The following CAMKMT variants were observed in gnomAD, a reference collection of about 807,000 sequenced individuals.
CAMKMT encodes the protein CaM KMT.
A neutral mutation model predicts 48.0 loss-of-function variants in CAMKMT; 53 were observed. The observed-to-expected ratio is 1.10, with a 90% confidence interval of 0.89 to 1.39. The LOEUF is 1.39. Among genes scored for constraint, CAMKMT ranks in the 40% most tolerant of loss-of-function variants. The pLI is 0.00. For synonymous variants in CAMKMT, 165 were observed against 152.3 expected (o/e 1.08, Z -0.61); for missense variants, 428 against 402.7 (o/e 1.06, Z -0.54).
At chr2:44,633,570 G>A (rs938427210) in intron 3 of CAMKMT, among the ~76,000 whole-genome samples, 3 of 151,764 alleles carry the variant, frequency 2.0e-5, no homozygotes, top group African/African-American at 7.3e-5. Context: ...TTTAATTTCA[G>A]GTATTATATA....
rs902010078 is a variant in CAMKMT, at chr2:44,653,505, G to C, written c.377-50778G>C. Among the ~76,000 whole-genome samples the C allele has an allele frequency of 1.3e-5, 2 of 152,158 alleles. No individual in the cohort carries two copies. The highest frequency in any genetic ancestry group is 4.8e-5 in the African/African-American group (2 of 41,430). On this transcript the variant is annotated intron_variant, in intron 3 of 10. Coordinates refer to ENST00000378494, the MANE Select transcript of CAMKMT (RefSeq NM_024766.5). This position sits in a 1 kb window ranked among gnomAD's most constrained non-coding sequence, Gnocchi z 5.2. The stretch of plus-strand genomic sequence containing the variant: ...GAAGTAACTTGTCCTTGGTCACCCA[G>C]AGCATTTGTAGCAGAGCTAGGACTA...
chr2:44,363,892 T>C (rs1030730241), intron 1 of CAMKMT, among the ~76,000 whole-genome samples: 1 of 151,924 alleles, frequency 6.6e-6, no homozygotes, highest in Admixed American at 6.6e-5. Flanking sequence ...AGTTTCGCCA[T>C]GTTGGCCAGG....
At chr2:44,721,863 G>A (rs983301524) in intron 7 of CAMKMT, among the ~76,000 whole-genome samples, 2 of 150,156 alleles carry the variant, frequency 1.3e-5, no homozygotes, top group Non-Finnish European at 3.0e-5. Context: ...GAGGGGAGGG[G>A]AGGGAAGGGG....
chr2:44,552,070 G>A (rs1014177868), intron 3 of CAMKMT, among the ~76,000 whole-genome samples: 24 of 152,040 alleles, frequency 1.6e-4, no homozygotes, highest in East Asian at 1.3e-3. Context: ...AAATCTGGGC[G>A]TTGAATGTAA....
chr2:44,560,624 A>C (rs1282034772), intron 3 of CAMKMT, among the ~76,000 whole-genome samples: 3 of 152,214 alleles, frequency 2.0e-5, no homozygotes, highest in African/African-American at 7.2e-5. Context: ...AGAAAAAAGC[A>C]TGCTCTCATT....
chr2:44,659,884 A>C (rs1046934228), intron 3 of CAMKMT, among the ~76,000 whole-genome samples: 4 of 152,144 alleles, frequency 2.6e-5, no homozygotes, highest in Admixed American at 1.3e-4. Context: ...GTCTCTCATC[A>C]TATTATTATA....
intron 3 of CAMKMT, among the ~76,000 whole-genome samples, chr2:44,556,093 G>T (rs370105884): frequency 1.4e-4 from 21 of 152,140 alleles, no homozygotes; most frequent in African/African-American, 4.6e-4. Context: ...ATTGCAAAGT[G>T]AAAGGCTATT....
At chr2:44,623,347 A>T (rs956719579) in intron 3 of CAMKMT, among the ~76,000 whole-genome samples, 1 of 151,930 alleles carries the variant, frequency 6.6e-6, no homozygotes, top group Non-Finnish European at 1.5e-5. Flanking sequence ...CCATTTGCTG[A>T]TTTTTGGTTT....
At chr2:44,577,017 T>A (rs1669260975) in intron 3 of CAMKMT, among the ~76,000 whole-genome samples, 1 of 152,236 alleles carries the variant, frequency 6.6e-6, no homozygotes, top group African/African-American at 2.4e-5. Flanking sequence ...TGCCGTTTCT[T>A]CAAAGATGTG....
At chr2:44,630,931 TA>T (rs1238967209) in intron 3 of CAMKMT, among the ~76,000 whole-genome samples, 3 of 151,784 alleles carry the variant, frequency 2.0e-5, no homozygotes, top group Admixed American at 2.0e-4. Flanking sequence ...CATGCTGCTA[TA>T]AAGACACATG....
At chr2:44,435,371 G>GC (rs1167274414) in intron 3 of CAMKMT, among the ~76,000 whole-genome samples, 8 of 152,128 alleles carry the variant, frequency 5.3e-5, no homozygotes, top group Non-Finnish European at 1.2e-4. Context: ...GGCACTTACA[G>GC]TCTAGATTTA....
intron 6 of CAMKMT, among the ~76,000 whole-genome samples, chr2:44,708,822 T>G (rs1000904394): frequency 6.6e-6 from 1 of 151,554 alleles, no homozygotes; most frequent in Non-Finnish European, 1.5e-5. Context: ...TTTTAGAGGG[T>G]GGGGGGAGCA....
intron 3 of CAMKMT, among the ~76,000 whole-genome samples, chr2:44,632,280 A>C (rs1488632816): frequency 1.3e-5 from 2 of 152,052 alleles, no homozygotes. Context: ...TGTCAGGAAA[A>C]TTTTTATTTT....
chr2:44,498,072 T>C (rs544741604), intron 3 of CAMKMT, among the ~76,000 whole-genome samples: 16 of 152,306 alleles, frequency 1.1e-4, no homozygotes, highest in Middle Eastern at 3.4e-3. Flanking sequence ...AGTTTGATGC[T>C]TGTTTCCTTT....
intron 3 of CAMKMT, among the ~76,000 whole-genome samples, chr2:44,499,749 G>A (rs894588014): frequency 6.6e-6 from 1 of 152,174 alleles, no homozygotes; most frequent in Admixed American, 6.6e-5. Context: ...TATGATTTCT[G>A]TGTTGTAGAA....
chr2:44,479,517 A>G (rs561133322), intron 3 of CAMKMT, among the ~76,000 whole-genome samples: 12 of 152,352 alleles, frequency 7.9e-5, no homozygotes, highest in Admixed American at 3.9e-4. Flanking sequence ...AATCTGTAGC[A>G]AAAGTGAGGC....
chr2:44,648,650 TCA>T (rs1347188623), intron 3 of CAMKMT, among the ~76,000 whole-genome samples: 1 of 152,218 alleles, frequency 6.6e-6, no homozygotes, highest in Non-Finnish European at 1.5e-5. Flanking sequence ...CTTAACTCCT[TCA>T]CCATCACTTA....
intron 3 of CAMKMT, among the ~76,000 whole-genome samples, chr2:44,566,562 CGT>C (rs1390451652): frequency 6.6e-6 from 1 of 152,002 alleles, no homozygotes; most frequent in Non-Finnish European, 1.5e-5. Context: ...ATAAGGCCAC[CGT>C]GGGGGCTTCT....
chr2:44,726,098 C>G (rs1678769855), intron 7 of CAMKMT, among the ~76,000 whole-genome samples: 1 of 152,100 alleles, frequency 6.6e-6, no homozygotes, highest in Non-Finnish European at 1.5e-5. Flanking sequence ...ATTTGGTTTC[C>G]TGTGCCTTTT....
Sources: allele counts gnomAD v4.1 joint callset (sites outside exome capture counted in the v4.1 genomes callset), GRCh38; gene constraint gnomAD v4.1.1; non-coding constraint Gnocchi (gnomAD v3.1); transcripts MANE v1.5; gene names NCBI Gene and HGNC (gene_info 2026-07-23, HGNC 2026-07-21).